The following ZNF91 variants were observed in gnomAD, a reference collection of about 807,000 sequenced individuals.
The protein encoded by ZNF91 is zinc finger protein 91 (HPF7, HTF10).
Under a neutral mutation model 12.6 loss-of-function variants are expected in ZNF91, and 7 were observed. The observed-to-expected ratio is 0.55, with a 90% confidence interval of 0.31 to 1.04. ZNF91 has a LOEUF of 1.04. Among genes scored for constraint, ZNF91 ranks in the 50% least tolerant of loss-of-function variants. ZNF91 has a pLI of 0.05. For synonymous variants in ZNF91, 453 were observed against 462.6 expected, an observed-to-expected ratio of 0.98 and a Z score of 0.27; for missense variants, 1,217 against 1,385.4, an observed-to-expected ratio of 0.88 and a Z score of 1.93.
Position 23,307,427 on chromosome 19 carries a change from G to C in ZNF91, n.191-25C>G, listed in dbSNP as rs1309420746. On this transcript the variant is annotated intron_variant and non_coding_transcript_variant, in intron 2 of 3. Transcript: ENST00000593292. ...CCTAAAACAGAGAGAGTGACGTATTGCTTAGTCCAGCATACATGTTGTGTG... is the reference window on the plus strand; with the variant it reads ...CCTAAAACAGAGAGAGTGACGTATTCCTTAGTCCAGCATACATGTTGTGTG... 4 of 152,110 alleles carry C rather than the reference G, an allele frequency of 2.6e-5. No homozygotes were observed. The East Asian group carries it at 7.8e-4, about 30-fold the overall frequency. 9.4% of individuals were successfully genotyped at this position (152,110 alleles called of 1,614,324 possible).
upstream of ZNF91, among the ~76,000 whole-genome samples, chr19:23,312,684 AG>A (rs1182294009): frequency 6.6e-6 from 1 of 152,208 alleles, no homozygotes; most frequent in East Asian, 1.9e-4. Flanking sequence ...TTCTGGACTC[AG>A]CTAATTGGAG....
intron 3 of ZNF91, among the ~76,000 whole-genome samples, chr19:23,366,338 T>C (rs1490187832): frequency 1.3e-5 from 2 of 152,242 alleles, no homozygotes; most frequent in Non-Finnish European, 2.9e-5. Flanking sequence ...CTTAAAATCC[T>C]TAAAGATCTT....
At chr19:23,363,086 G>GT (rs1385189532) in intron 3 of ZNF91, among the ~76,000 whole-genome samples, 1 of 152,092 alleles carries the variant, frequency 6.6e-6, no homozygotes, top group Non-Finnish European at 1.5e-5. Flanking sequence ...TGTGTGCAGT[G>GT]TCTCAGGGGA....
At chr19:23,321,784 T>G (rs1166863969) in intron 1 of ZNF91, among the ~76,000 whole-genome samples, 1 of 152,092 alleles carries the variant, frequency 6.6e-6, no homozygotes, top group Admixed American at 6.6e-5. Flanking sequence ...TAGAAGAGAT[T>G]GTTACATATC....
At chr19:23,363,466 A>G (rs891859375) in intron 3 of ZNF91, among the ~76,000 whole-genome samples, 3 of 152,200 alleles carry the variant, frequency 2.0e-5, no homozygotes, top group African/African-American at 7.2e-5. Context: ...ATAAGTAAAC[A>G]CTCTTAATTA....
In ZNF91 at chr19:23,359,371, C is replaced by T. The variant is rs1422829345; in HGVS notation, c.*32G>A. On this transcript the variant is annotated 3_prime_UTR_variant, in exon 4 of 4. Transcript: ENST00000300619. ...TCGCATAGCTGGGACTACAGGCGCC[C>T]GCCACCACGCCCGGCTAATTTTTTG... The T allele has an allele frequency of 1.1e-4, 81 of 758,604 alleles. No homozygotes were observed. In the East Asian group the frequency reaches 1.8e-3, roughly 17 times the overall value. The allele number at this position is 758,604 out of a possible 1,614,324, so 47.0% of individuals were successfully genotyped here.
chr19:23,321,133 A>G (rs1453312389), intron 1 of ZNF91, among the ~76,000 whole-genome samples: 1 of 152,118 alleles, frequency 6.6e-6, no homozygotes, highest in African/African-American at 2.4e-5. Context: ...TCATCTGTGG[A>G]TTTTTTGAAG....
chr19:23,317,404 C>G (rs537669405), intron 1 of ZNF91, among the ~76,000 whole-genome samples: 185 of 152,180 alleles, frequency 1.2e-3, no homozygotes, highest in Non-Finnish European at 1.9e-3. Context: ...CTATTTGGAC[C>G]TAGCCAATTG....
chr19:23,382,875 C>T (rs919110488), intron 1 of ZNF91, among the ~76,000 whole-genome samples: 2 of 152,038 alleles, frequency 1.3e-5, no homozygotes, highest in African/African-American at 2.4e-5. Context: ...AGCCTACCAA[C>T]CAAATAAAGC....
chr19:23,393,327 C>G (rs986316368), intron 1 of ZNF91, among the ~76,000 whole-genome samples: 1 of 152,142 alleles, frequency 6.6e-6, no homozygotes, highest in African/African-American at 2.4e-5. Context: ...GCATCCACGT[C>G]CACACTTGAG....
rs1312855794 is a variant in ZNF91 at position 23,360,659 on chromosome 19, C to G, written c.2320G>C (p.Glu774Gln). 1 of 1,613,878 alleles carries G rather than the reference C, an allele frequency of 6.2e-7. No homozygotes were observed. The highest frequency in any genetic ancestry group is 8.5e-7 in the Non-Finnish European group (1 of 1,179,918). ...HTREKPFKCKECGKAFIWSST... is the reference protein window; with the variant it reads ...HTREKPFKCKQCGKAFIWSST... Reference sequence around the variant, plus strand: ...GACCATATAAATGCTTTGCCACATTCTTTACATTTGAAGGGTTTCTCTCTA... The same window carrying G: ...GACCATATAAATGCTTTGCCACATTGTTTACATTTGAAGGGTTTCTCTCTA... The change falls in exon 4 of 4, where the codon GAA (glutamate) becomes CAA (glutamine). Residue 774 changes from glutamate to glutamine, a missense_variant. Glu to Gln is a conservative substitution (Grantham distance 29). This residue lies in a region of ZNF91 where 726 missense variants were observed against 895.5 expected (regional missense o/e 0.81). Transcript: ENST00000300619.
chr19:23,330,160 G>A lies in ZNF91; in HGVS notation n.117-21063C>T, dbSNP rs546222876. Among the ~76,000 whole-genome samples the A allele has an allele frequency of 2.9e-4, 44 of 152,016 alleles. No individual in the cohort carries two copies. In the South Asian group the frequency reaches 8.3e-3, roughly 29 times the overall value. On this transcript the variant is annotated intron_variant and non_coding_transcript_variant, in intron 1 of 1. Transcript: ENST00000596528. Reference sequence around the variant, plus strand: ...AGCTTTGTCAACATGGTGAAAGCTCGCCTCTACTAAATATATAAAAATCAG... The same window carrying A: ...AGCTTTGTCAACATGGTGAAAGCTCACCTCTACTAAATATATAAAAATCAG...
intron 3 of ZNF91, among the ~76,000 whole-genome samples, chr19:23,349,946 T>G (rs1968323115): frequency 6.6e-6 from 1 of 152,220 alleles, no homozygotes; most frequent in Admixed American, 6.5e-5. Flanking sequence ...TCCTGCCACT[T>G]GGACTGAGGA....
Position 23,362,727 on chromosome 19 carries a change from TG to T in ZNF91, c.254-3del. 1.4e-6 allele frequency: 2 copies of T among 1,424,288 alleles called. No individual in the cohort carries two copies. Among genetic ancestry groups the T allele is most frequent in the South Asian group, 1.9e-5 (1 of 53,352 alleles). The allele number at this position is 1,424,288 out of a possible 1,614,324, so 88.2% of individuals were successfully genotyped here. ...CTTGAGGAAAATGAGGACATATACC[TG>T]AAAAAAAAAAACTAAAAATAATAAA... On this transcript the variant is annotated splice_region_variant and splice_polypyrimidine_tract_variant and intron_variant, in intron 3 of 3. Transcript: ENST00000300619.
At chr19:23,387,751 C>T (rs1174050977) in intron 1 of ZNF91, among the ~76,000 whole-genome samples, 1 of 150,822 alleles carries the variant, frequency 6.6e-6, no homozygotes, top group African/African-American at 2.4e-5. Flanking sequence ...ACTAGCCTGG[C>T]CAACATGGTA....
chr19:23,363,769 T>C (rs187488248), intron 3 of ZNF91, among the ~76,000 whole-genome samples: 3 of 152,104 alleles, frequency 2.0e-5, no homozygotes, highest in Admixed American at 1.3e-4. Context: ...CTGATTAAAA[T>C]AGGAACAGAG....
At position 23,358,437 on chromosome 19, in the gene ZNF91, T is replaced by C. The variant is rs992309511; in HGVS notation, c.*966A>G. 5.9e-5 allele frequency: 9 copies of C among 152,234 alleles called. No homozygotes were observed. Among genetic ancestry groups the C allele is most frequent in the African/African-American group, 4.8e-5 (2 of 41,468 alleles). The allele number at this position is 152,234 out of a possible 1,614,324, so 9.4% of individuals were successfully genotyped here. A position where few individuals can be genotyped will look rare whatever the true frequency, so the allele number is the denominator to read the frequency against. ...CATTTTTAATGTCCTTACCTTTCCA[T>C]AGAAAAGGTCATAAATAATGCCTCT... On this transcript the variant is annotated 3_prime_UTR_variant, in exon 4 of 4. Transcript: ENST00000300619.
At chr19:23,376,677 C>T (rs767076042) in intron 1 of ZNF91, among the ~76,000 whole-genome samples, 26 of 152,132 alleles carry the variant, frequency 1.7e-4, no homozygotes, top group Non-Finnish European at 3.5e-4. Context: ...ACGTGAGCCA[C>T]CACGCCTGGC....
At position 23,388,303 on chromosome 19, in the gene ZNF91, G is replaced by A. The variant is rs184086152; in HGVS notation, c.30+7022C>T. Among the ~76,000 whole-genome samples, 59 of 151,966 alleles carry A rather than the reference G, an allele frequency of 3.9e-4. 1 individual carries two copies. The highest frequency in any genetic ancestry group is 1.7e-3 in the South Asian group (8 of 4,800). ...TGATACATAAACATCATGGAATACCGTGTGGTCATAAAAAACAAACAGAAA... is the reference window on the plus strand; with the variant it reads ...TGATACATAAACATCATGGAATACCATGTGGTCATAAAAAACAAACAGAAA... On this transcript the variant is annotated intron_variant, in intron 1 of 3. Coordinates refer to ENST00000300619, the MANE Select transcript of ZNF91 (RefSeq NM_003430.4).
Sources: gnomAD v4.1 joint callset for allele counts (sites outside exome capture counted in the v4.1 genomes callset) on GRCh38, gnomAD v4.1.1 for gene constraint, gnomAD v4.1.1 regional missense constraint, MANE v1.5 for transcripts, NCBI Gene and HGNC (gene_info 2026-07-23, HGNC 2026-07-21) for gene names.